Variants in ALOX5AP observed in about 807,000 individuals in gnomAD.
ALOX5AP encodes arachidonate 5-lipoxygenase activating protein.
In ALOX5AP, 9 loss-of-function variants were observed where a neutral mutation model predicts 18.5. The ratio of observed to expected loss-of-function variants is 0.49; its 90% CI spans 0.29 to 0.85. The LOEUF is 0.85. ALOX5AP is among the 40% of genes least tolerant of loss of function. The probability of loss-of-function intolerance (pLI) is 0.08; values close to 1 mark genes in which losing one functional copy is unlikely to be tolerated. For synonymous variants in ALOX5AP, 81 were observed against 78.6 expected (o/e 1.03, Z -0.16); for missense variants, 172 against 202.5 (o/e 0.85, Z 0.91).
intron 1 of ALOX5AP, among the ~76,000 whole-genome samples, chr13:30,726,232 G>C (rs1436947445): frequency 6.6e-6 from 1 of 152,136 alleles, no homozygotes; most frequent in Non-Finnish European, 1.5e-5. Flanking sequence ...CAAGGAAGGG[G>C]GTTCCTTTCT....
chr13:30,727,506 G>A (rs1028754746), intron 1 of ALOX5AP, among the ~76,000 whole-genome samples: 1 of 152,186 alleles, frequency 6.6e-6, no homozygotes, highest in Admixed American at 6.5e-5. Context: ...GGATTAGTGT[G>A]GGCCACTGGA....
At chr13:30,734,332 C>G (rs530566109), upstream of ALOX5AP, among the ~76,000 whole-genome samples, 2 of 152,174 alleles carry the variant, frequency 1.3e-5, no homozygotes, top group East Asian at 3.9e-4. Context: ...TGGCACTGTA[C>G]CTATGAGGGA....
At chr13:30,753,682 G>A (rs530263102) in intron 3 of ALOX5AP, among the ~76,000 whole-genome samples, 1 of 152,316 alleles carries the variant, frequency 6.6e-6, no homozygotes, top group South Asian at 2.1e-4. Context: ...CAAGTGGCTT[G>A]AACGAACATC....
intron 2 of ALOX5AP, among the ~76,000 whole-genome samples, chr13:30,747,159 G>A (rs566735363): frequency 2.6e-5 from 4 of 152,182 alleles, no homozygotes; most frequent in Admixed American, 1.3e-4. Flanking sequence ...CTCTGTTCAC[G>A]TGTATATTTT....
chr13:30,747,924 T>G (rs1173643121), intron 2 of ALOX5AP, among the ~76,000 whole-genome samples: 2 of 152,118 alleles, frequency 1.3e-5, no homozygotes. Flanking sequence ...CTGTTTTTTA[T>G]TTTTATTTTT....
At position 30,723,486 on chromosome 13, in the gene ALOX5AP, AG is replaced by A. The variant is rs1262705847; in HGVS notation, c.116+9648del. On this transcript the variant is annotated intron_variant, in intron 1 of 5. Coordinates refer to the ALOX5AP transcript ENST00000617770. ...ACAGGCCAAAGCAAACAGAGGAATA[AG>A]GGATATATAATAAAGTATTTGTGTA... Among the ~76,000 whole-genome samples, 9 of 152,334 alleles carry A rather than the reference AG, an allele frequency of 5.9e-5. No individual in the cohort carries two copies. The East Asian group carries it at 1.7e-3, about 29-fold the overall frequency.
intron 1 of ALOX5AP, among the ~76,000 whole-genome samples, chr13:30,715,974 C>G (rs917613033): frequency 3.9e-5 from 6 of 152,188 alleles, no homozygotes; most frequent in African/African-American, 1.4e-4. Context: ...CCTGCTCCTG[C>G]CATTGAGCCC....
chr13:30,723,991 C>T (rs1951616418), intron 1 of ALOX5AP, among the ~76,000 whole-genome samples: 1 of 152,098 alleles, frequency 6.6e-6, no homozygotes, highest in South Asian at 2.1e-4. Flanking sequence ...TACAGATTGA[C>T]AAGTTCTGAC....
At chr13:30,759,462 G>A (rs4769876) in intron 4 of ALOX5AP, among the ~76,000 whole-genome samples, 11,930 of 152,170 alleles carry the variant, frequency 0.078, 727 homozygotes, top group African/African-American at 0.17. Flanking sequence ...TACCTGCTCT[G>A]TGCCAGGTAC....
rs1951789270 is a variant in ALOX5AP, at chr13:30,744,115, C to T, written c.126C>T (p.Phe42=). The change falls in exon 2 of 5, where the codon TTC becomes TTT. Residue 42 remains phenylalanine, a synonymous_variant. Coordinates refer to ENST00000380490, the MANE Select transcript of ALOX5AP (RefSeq NM_001629.4). Reference sequence around the variant, plus strand: ...GCAGGACCCAGAATGGGAGGAGCTTCCAGAGGACCGGAACACTTGCCTTTG... The same window carrying T: ...GCAGGACCCAGAATGGGAGGAGCTTTCAGAGGACCGGAACACTTGCCTTTG... ...HESRTQNGRS[F]QRTGTLAFER... The T allele has an allele frequency of 2.5e-6, 4 of 1,614,016 alleles. No homozygotes were observed. In the East Asian group the frequency reaches 8.9e-5, roughly 36 times the overall value.
intron 4 of ALOX5AP, among the ~76,000 whole-genome samples, chr13:30,757,255 C>T (rs17239228): frequency 2.6e-5 from 4 of 152,002 alleles, no homozygotes; most frequent in Non-Finnish European, 5.9e-5. Context: ...GGGAGGTCAG[C>T]GGGTGAAAGC....
At chr13:30,714,293 G>T (rs1951532379) in intron 1 of ALOX5AP, among the ~76,000 whole-genome samples, 1 of 151,680 alleles carries the variant, frequency 6.6e-6, no homozygotes, top group Non-Finnish European at 1.5e-5. Flanking sequence ...TGGAAGCTGG[G>T]TGATCCTTTC....
intron 1 of ALOX5AP, among the ~76,000 whole-genome samples, chr13:30,714,167 C>G (rs9508827): frequency 6.9e-6 from 1 of 145,882 alleles, no homozygotes; most frequent in Non-Finnish European, 1.5e-5. Context: ...GAACAGATGC[C>G]GAATAGGCAT....
chr13:30,730,391 C>T (rs1484690002), intron 1 of ALOX5AP, among the ~76,000 whole-genome samples: 1 of 152,234 alleles, frequency 6.6e-6, no homozygotes, highest in Non-Finnish European at 1.5e-5. Context: ...CTGGAACAGA[C>T]CATGCCTGGT....
chr13:30,763,128 C>G (rs949749433), intron 4 of ALOX5AP, among the ~76,000 whole-genome samples: 1 of 152,102 alleles, frequency 6.6e-6, no homozygotes, highest in Non-Finnish European at 1.5e-5. Flanking sequence ...GCTAACATGA[C>G]GAAACCTCAT....
At chr13:30,754,536 A>C (rs17245575) in intron 3 of ALOX5AP, among the ~76,000 whole-genome samples, 1 of 150,796 alleles carries the variant, frequency 6.6e-6, no homozygotes, top group Non-Finnish European at 1.5e-5. Context: ...AGATTGAGCC[A>C]TGTAAAACTG....
intron 1 of ALOX5AP, among the ~76,000 whole-genome samples, chr13:30,736,694 C>A (rs187477572): frequency 3.9e-5 from 6 of 152,212 alleles, no homozygotes; most frequent in African/African-American, 1.4e-4. Flanking sequence ...CCCCCTCAGC[C>A]TCTGCACCAG....
intron 1 of ALOX5AP, among the ~76,000 whole-genome samples, chr13:30,719,812 C>G (rs1297394459): frequency 1.3e-5 from 2 of 151,886 alleles, no homozygotes; most frequent in African/African-American, 2.4e-5. Flanking sequence ...AGCCTGAGAA[C>G]AGTAGGACTG....
intron 1 of ALOX5AP, among the ~76,000 whole-genome samples, chr13:30,723,202 C>A (rs1951607628): frequency 6.6e-6 from 1 of 152,142 alleles, no homozygotes; most frequent in African/African-American, 2.4e-5. Context: ...TATTTTATTT[C>A]AAATCCAACA....
Sources: allele counts gnomAD v4.1 joint callset (sites outside exome capture counted in the v4.1 genomes callset), GRCh38; gene constraint gnomAD v4.1.1; transcripts MANE v1.5; gene names NCBI Gene and HGNC (gene_info 2026-07-23, HGNC 2026-07-21).